Variants in KCNK12 observed in about 807,000 individuals in gnomAD.
KCNK12 encodes potassium channel subfamily K member 12.
Under a neutral mutation model 25.3 loss-of-function variants are expected in KCNK12, and 6 were observed. The ratio of observed to expected loss-of-function variants is 0.24; its 90% confidence interval spans 0.13 to 0.47. The LOEUF (loss-of-function observed/expected upper bound fraction) is 0.47. KCNK12 is among the 20% of genes least tolerant of loss of function. KCNK12 has a pLI of 0.99. For synonymous variants in KCNK12, 331 were observed against 311.1 expected, an observed-to-expected ratio of 1.06 and a Z score of -0.67; for missense variants, 444 against 661.7, an observed-to-expected ratio of 0.67 and a Z score of 3.61.
At chr2:47,558,257 A>C (rs1419955494) in intron 1 of KCNK12, among the ~76,000 whole-genome samples, 1 of 152,256 alleles carries the variant, frequency 6.6e-6, no homozygotes, top group Non-Finnish European at 1.5e-5. Flanking sequence ...CTAAGCACAC[A>C]GTCACACAAG....
intron 1 of KCNK12, chr2:47,543,268 T>G (rs1233472627): frequency 6.6e-6 from 1 of 152,180 alleles, no homozygotes; most frequent in Non-Finnish European, 1.5e-5. Context: ...ATTTTTTTTT[T>G]TTTTTTTAGC....
chr2:47,549,649 T>C (rs1433879509), intron 1 of KCNK12, among the ~76,000 whole-genome samples: 1 of 152,080 alleles, frequency 6.6e-6, no homozygotes, highest in African/African-American at 2.4e-5. Flanking sequence ...ATGAAAAATA[T>C]AGGGGGCTGG....
In KCNK12 at chr2:47,520,873, T is replaced by C. The variant is rs1023121857; in HGVS notation, c.*34A>G. ...AACCACGCCCGGCGGCCCCGCGGCCTGGAGAGGGTCCCCGGCGCGGGCGGA... is the reference window on the plus strand; with the variant it reads ...AACCACGCCCGGCGGCCCCGCGGCCCGGAGAGGGTCCCCGGCGCGGGCGGA... On this transcript the variant is annotated 3_prime_UTR_variant, in exon 2 of 2. Coordinates refer to ENST00000327876, the MANE Select transcript of KCNK12 (RefSeq NM_022055.2). The surrounding 1 kb of genome is among the most constrained non-coding windows in gnomAD (Gnocchi z 5.0). The C allele has an allele frequency of 1.6e-6, 2 of 1,231,516 alleles. No homozygotes were observed. The highest frequency in any genetic ancestry group is 2.0e-6 in the Non-Finnish European group (2 of 984,818). The allele number at this position is 1,231,516 out of a possible 1,614,324, so 76.3% of individuals were successfully genotyped here. A position where few individuals can be genotyped will look rare whatever the true frequency, so the allele number is the denominator to read the frequency against.
intron 1 of KCNK12, chr2:47,564,341 C>T (rs1322619185): frequency 4.4e-6 from 1 of 228,996 alleles, no homozygotes; most frequent in Non-Finnish European, 8.7e-6. Context: ...ATTTCACCAG[C>T]TGGAAGTCAT....
intron 1 of KCNK12, among the ~76,000 whole-genome samples, chr2:47,531,367 G>A (rs1199869072): frequency 6.6e-6 from 1 of 152,094 alleles, no homozygotes; most frequent in Non-Finnish European, 1.5e-5. Flanking sequence ...TAGCTACTCA[G>A]GAGGCTGAAG....
Position 47,520,996 on chromosome 2 carries a change from C to G in KCNK12, c.1204G>C (p.Val402Leu). 1 of 1,365,748 alleles carries G rather than the reference C, an allele frequency of 7.3e-7. No individual in the cohort carries two copies. The highest frequency in any genetic ancestry group is 9.5e-7 in the Non-Finnish European group (1 of 1,056,224). The allele number at this position is 1,365,748 out of a possible 1,614,324, so 84.6% of individuals were successfully genotyped here. Reference protein sequence around the residue: ...TANGYPRSVCVNTRQNGFSGG... With the variant: ...TANGYPRSVCLNTRQNGFSGG... Reference sequence around the variant, plus strand: ...GAGAAGCCGTTCTGGCGCGTGTTGACGCACACGCTGCGCGGGTAGCCGTTG... The same window carrying G: ...GAGAAGCCGTTCTGGCGCGTGTTGAGGCACACGCTGCGCGGGTAGCCGTTG... The change falls in exon 2 of 2, where the codon GTC becomes CTC. Residue 402 changes from valine (V) to leucine (L), a missense_variant. Physicochemically the swap from Val to Leu is conservative, Grantham distance 32. Coordinates refer to ENST00000327876, the MANE Select transcript of KCNK12 (RefSeq NM_022055.2). The surrounding 1 kb of genome is among the most constrained non-coding windows in gnomAD (Gnocchi z 5.0).
rs372700173 is a variant in KCNK12 at position 47,561,275 on chromosome 2, C to T, written c.391+8666G>A. On this transcript the variant is annotated intron_variant, in intron 1 of 1. Transcript: ENST00000327876. ...GAAGCACTGGATGTCACTGGTCTAA[C>T]TCACCACTCAATCATTCATTCAGTT... Among the ~76,000 whole-genome samples, 4 of 152,216 alleles carry T rather than the reference C, an allele frequency of 2.6e-5. 1 individual carries two copies. Among genetic ancestry groups the T allele is most frequent in the Admixed American group, 2.0e-4 (3 of 15,290 alleles).
chr2:47,532,812 C>G (rs1200796665), intron 1 of KCNK12, among the ~76,000 whole-genome samples: 1 of 152,144 alleles, frequency 6.6e-6, no homozygotes. Flanking sequence ...GCCTCATGTT[C>G]AGAAGACAAA....
chr2:47,550,910 T>C (rs1241461797), intron 1 of KCNK12, among the ~76,000 whole-genome samples: 1 of 152,176 alleles, frequency 6.6e-6, no homozygotes, highest in East Asian at 1.9e-4. Context: ...CCCACACTTC[T>C]ATATTTCCCC....
chr2:47,524,752 T>C (rs1344569210), intron 1 of KCNK12, among the ~76,000 whole-genome samples: 1 of 152,166 alleles, frequency 6.6e-6, no homozygotes, highest in Non-Finnish European at 1.5e-5. Flanking sequence ...TTTGTACTCA[T>C]AGTGAGAAAA....
intron 1 of KCNK12, among the ~76,000 whole-genome samples, chr2:47,530,141 G>A (rs957235724): frequency 6.6e-6 from 1 of 152,180 alleles, no homozygotes; most frequent in Admixed American, 6.5e-5. Flanking sequence ...GCCCAGCCAG[G>A]CCAGCGGCCA....
intron 1 of KCNK12, among the ~76,000 whole-genome samples, chr2:47,567,513 A>G (rs772319263): frequency 2.6e-5 from 4 of 152,248 alleles, no homozygotes; most frequent in Non-Finnish European, 5.9e-5. Context: ...GAAAGCTGAA[A>G]TGCCAATTAT....
intron 1 of KCNK12, chr2:47,535,058 G>C: frequency 4.4e-6 from 1 of 229,130 alleles, no homozygotes; most frequent in African/African-American, 2.2e-5. Context: ...GGCACGCAGA[G>C]CCCTCGGGGA....
At position 47,560,144 on chromosome 2, in the gene KCNK12, T is replaced by C. The variant is rs1669633668; in HGVS notation, c.391+9797A>G. 6.6e-6 allele frequency among the ~76,000 whole-genome samples: 1 copy of C among 152,130 alleles called. No individual in the cohort carries two copies. Among genetic ancestry groups the C allele is most frequent in the Non-Finnish European group, 1.5e-5 (1 of 68,016 alleles). ...GGTGTGCTTAAGGGAGGCCCTCCTG[T>C]TTTTTTGGTTTTCTGTCCCGCCTGT... On this transcript the variant is annotated intron_variant, in intron 1 of 1. Coordinates refer to ENST00000327876, the MANE Select transcript of KCNK12 (RefSeq NM_022055.2). This position sits in a 1 kb window ranked among gnomAD's most constrained non-coding sequence, Gnocchi z 4.7.
At chr2:47,526,474 G>A (rs1438928232) in intron 1 of KCNK12, among the ~76,000 whole-genome samples, 4 of 151,118 alleles carry the variant, frequency 2.6e-5, no homozygotes, top group Admixed American at 2.0e-4. Context: ...GCTCACGCCT[G>A]TAATCCCCAG....
chr2:47,533,698 T>G lies in KCNK12; in HGVS notation c.392-11890A>C, dbSNP rs1319357120. On this transcript the variant is annotated intron_variant, in intron 1 of 1. Transcript: ENST00000327876. The surrounding 1 kb of genome is among the most constrained non-coding windows in gnomAD (Gnocchi z 4.7). ...GCACCATCTTTTCCAGTCCCCAAAG[T>G]GAGAGTGTGTGTGTGTGGGAGAGAT... Among the ~76,000 whole-genome samples, 2 of 151,986 alleles carry G rather than the reference T, an allele frequency of 1.3e-5. No homozygotes were observed. Among genetic ancestry groups the G allele is most frequent in the Admixed American group, 6.6e-5 (1 of 15,266 alleles).
rs114924864 is a variant in KCNK12, at chr2:47,545,252, G to T, written c.392-23444C>A. Among the ~76,000 whole-genome samples the T allele has an allele frequency of 7.4e-3, 1,127 of 152,282 alleles. 15 individuals are homozygous for T. The highest frequency in any genetic ancestry group is 0.027 in the Middle Eastern group (8 of 294). On this transcript the variant is annotated intron_variant, in intron 1 of 1. Coordinates refer to ENST00000327876, the MANE Select transcript of KCNK12 (RefSeq NM_022055.2). Reference sequence around the variant, plus strand: ...TAGATACATGAAGGGTAAAGGACAGGCAGGGATGCTCCAGGCAGGGAGAAT... The same window carrying T: ...TAGATACATGAAGGGTAAAGGACAGTCAGGGATGCTCCAGGCAGGGAGAAT...
Position 47,521,357 on chromosome 2 carries a change from G to A in KCNK12, c.843C>T (p.Phe281=). 1.2e-6 allele frequency: 2 copies of A among 1,613,714 alleles called. No homozygotes were observed. The highest frequency in any genetic ancestry group is 8.5e-7 in the Non-Finnish European group (1 of 1,179,894). ...RNQGLYRLGN[F]LFILLGVCCI... ...AGCACACGCCGAGCAGGATGAAGAG[G>A]AAGTTGCCCAGGCGGTAGAGCCCCT... is the stretch of plus-strand genomic sequence containing the variant. The change falls in exon 2 of 2, where the codon TTC becomes TTT. Residue 281 remains phenylalanine, a synonymous_variant. Coordinates refer to ENST00000327876, the MANE Select transcript of KCNK12 (RefSeq NM_022055.2).
In KCNK12 at chr2:47,512,203, A is replaced by G; in HGVS notation, c.*8704T>C. ...GAAAAAAGAATTGAACAAACTGTCT[A>G]AGCTGGGTCAGGTACTCTGCAGATG... On this transcript the variant is annotated 3_prime_UTR_variant, in exon 2 of 2. Transcript: ENST00000327876. The G allele has an allele frequency of 2.1e-6, 3 of 1,408,178 alleles. No individual in the cohort carries two copies. Among genetic ancestry groups the G allele is most frequent in the South Asian group, 1.4e-5 (1 of 72,996 alleles). 87.2% of individuals were successfully genotyped at this position (1,408,178 alleles called of 1,614,324 possible).
Sources: gnomAD v4.1 joint callset for allele counts (sites outside exome capture counted in the v4.1 genomes callset) on GRCh38, gnomAD v4.1.1 for gene constraint, Gnocchi (gnomAD v3.1) non-coding constraint, MANE v1.5 for transcripts, NCBI Gene and HGNC (gene_info 2026-07-23, HGNC 2026-07-21) for gene names.